The following CBLB variants were observed in gnomAD, a reference collection of about 807,000 sequenced individuals.
CBLB encodes E3 ubiquitin-protein ligase CBL-B.
A neutral mutation model predicts 104.9 loss-of-function variants in CBLB; 31 were observed. The ratio of observed to expected loss-of-function variants is 0.30; its 90% CI spans 0.22 to 0.40. CBLB has a LOEUF of 0.40. Among genes scored for constraint, CBLB ranks in the 10% least tolerant of loss-of-function variants. The pLI is 1.00. For missense variants in CBLB, 1,062 were observed against 1,214.6 expected (o/e 0.87, Z 1.87); for synonymous variants, 440 against 422.6 (o/e 1.04, Z -0.51).
chr3:105,661,560 A>T (rs1263825625), intron 18 of CBLB, among the ~76,000 whole-genome samples: 1 of 152,240 alleles, frequency 6.6e-6, no homozygotes, highest in Non-Finnish European at 1.5e-5. Context: ...TTCTACGGGT[A>T]ATTTTCTAAG....
At chr3:105,800,700 G>A (rs1176156476) in intron 3 of CBLB, among the ~76,000 whole-genome samples, 1 of 152,028 alleles carries the variant, frequency 6.6e-6, no homozygotes, top group East Asian at 1.9e-4. Context: ...CACTTCCTGT[G>A]AGCTAAGCAA....
chr3:105,756,012 A>C (rs1402655183), intron 4 of CBLB, among the ~76,000 whole-genome samples: 1 of 152,230 alleles, frequency 6.6e-6, no homozygotes, highest in Non-Finnish European at 1.5e-5. Flanking sequence ...TGGAGATGCC[A>C]CAAATTTAAT....
At chr3:105,771,597 A>T (rs1210917415) in intron 4 of CBLB, among the ~76,000 whole-genome samples, 1 of 152,156 alleles carries the variant, frequency 6.6e-6, no homozygotes, top group East Asian at 1.9e-4. Context: ...TCGAACTGTC[A>T]TCATTCACTG....
intron 1 of CBLB, 99 bp downstream of exon 1, chr3:105,868,637 G>C (rs1311647599): frequency 1.2e-6 from 1 of 800,876 alleles, no homozygotes. Flanking sequence ...CTGAGAGCCA[G>C]GGCTGTCCCC....
intron 2 of CBLB, among the ~76,000 whole-genome samples, chr3:105,855,058 T>C (rs2091430876): frequency 6.6e-6 from 1 of 152,204 alleles, no homozygotes. Context: ...TTGGGTTTAA[T>C]GGAAGGTATA....
chr3:105,839,788 T>A lies in CBLB; in HGVS notation c.419+13626A>T, dbSNP rs1247797887. On this transcript the variant is annotated intron_variant, in intron 3 of 18. Transcript: ENST00000394030. ...TGTAGTTTGCCAAGTGTTGATATAA[T>A]GGGGAAAAAAGTATTGTGATAAATT... 2.6e-5 allele frequency among the ~76,000 whole-genome samples: 4 copies of A among 152,330 alleles called. No individual in the cohort carries two copies. In the East Asian group the frequency reaches 7.7e-4, roughly 29 times the overall value.
At chr3:105,760,035 A>C (rs988971955) in intron 4 of CBLB, among the ~76,000 whole-genome samples, 10 of 152,182 alleles carry the variant, frequency 6.6e-5, no homozygotes, top group Non-Finnish European at 1.5e-4. Flanking sequence ...ATCTATAATC[A>C]TATTTTTATA....
chr3:105,818,169 G>C (rs1313888713), intron 3 of CBLB, among the ~76,000 whole-genome samples: 1 of 152,038 alleles, frequency 6.6e-6, no homozygotes, highest in East Asian at 1.9e-4. Flanking sequence ...TTATTCCAAA[G>C]AATGGACACA....
At chr3:105,737,638 A>C (rs2075097303) in intron 7 of CBLB, among the ~76,000 whole-genome samples, 1 of 152,176 alleles carries the variant, frequency 6.6e-6, no homozygotes, top group Non-Finnish European at 1.5e-5. Context: ...ACAGGTAATA[A>C]TGGTATCATT....
At chr3:105,736,965 T>C (rs1229080589) in intron 8 of CBLB, among the ~76,000 whole-genome samples, 2 of 152,106 alleles carry the variant, frequency 1.3e-5, no homozygotes, top group South Asian at 2.1e-4. Context: ...CAATACTATA[T>C]GGAAAGCAAG....
In CBLB at chr3:105,671,180, A is replaced by C. The variant is rs1464224929; in HGVS notation, c.2570-828T>G. 2.5e-5 allele frequency: 5 copies of C among 196,756 alleles called. No homozygotes were observed. In the East Asian group the frequency reaches 3.2e-4, roughly 12 times the overall value. The allele number at this position is 196,756 out of a possible 1,614,324, so 12.2% of individuals were successfully genotyped here. On this transcript the variant is annotated intron_variant, in intron 17 of 18. Coordinates refer to ENST00000394030, the MANE Select transcript of CBLB (RefSeq NM_170662.5). ...AACATTCATAGTATTATATGGGTTT[A>C]AATTCTTAGAGAATTGATTCCCTTT...
intron 10 of CBLB, among the ~76,000 whole-genome samples, chr3:105,713,963 C>A (rs185875450): frequency 3.3e-5 from 5 of 152,090 alleles, no homozygotes; most frequent in Non-Finnish European, 1.5e-5. Flanking sequence ...CAAAAGTGTC[C>A]CCATATATTA....
chr3:105,843,285 T>A (rs938466792), intron 3 of CBLB, among the ~76,000 whole-genome samples: 4 of 152,242 alleles, frequency 2.6e-5, no homozygotes, highest in African/African-American at 9.6e-5. Context: ...GAAATCATGT[T>A]TAATACTCCA....
intron 3 of CBLB, among the ~76,000 whole-genome samples, chr3:105,798,704 T>C (rs899699719): frequency 5.3e-5 from 8 of 152,210 alleles, no homozygotes; most frequent in Admixed American, 4.6e-4. Flanking sequence ...GGAAGTAAAC[T>C]TCCTCTTTTA....
chr3:105,768,111 C>T (rs1327282266), intron 4 of CBLB, among the ~76,000 whole-genome samples: 1 of 152,114 alleles, frequency 6.6e-6, no homozygotes, highest in Non-Finnish European at 1.5e-5. Context: ...AATAAATAAG[C>T]TTGATTTCAT....
At chr3:105,853,738 T>G in intron 2 of CBLB, 74 bp from the exon 3 acceptor site, 1 of 1,027,122 alleles carries the variant, frequency 9.7e-7, no homozygotes, top group Non-Finnish European at 1.4e-6. Context: ...TAGAGAACCA[T>G]GTCCTATTTC....
chr3:105,808,023 GGAACCTAAGTTCACA>G (rs1215312650), intron 3 of CBLB, among the ~76,000 whole-genome samples: 1 of 152,088 alleles, frequency 6.6e-6, no homozygotes, highest in African/African-American at 2.4e-5. Context: ...CCACCAATAA[GGAACCTAAGTTCACA>G]GAACTTTTCC....
chr3:105,659,450 G>C (rs1479780306), intron 18 of CBLB, among the ~76,000 whole-genome samples: 2 of 152,082 alleles, frequency 1.3e-5, no homozygotes, highest in Non-Finnish European at 2.9e-5. Context: ...GTTCCACTGA[G>C]AAATTTACAC....
At chr3:105,698,626 A>AAAAC (rs58055701) in intron 12 of CBLB, among the ~76,000 whole-genome samples, 2 of 141,840 alleles carry the variant, frequency 1.4e-5, no homozygotes, top group East Asian at 2.0e-4. Flanking sequence ...AAAAAAAAAA[A>AAAAC]GCGCATTTGC....
Sources: gnomAD v4.1 joint callset for allele counts (sites outside exome capture counted in the v4.1 genomes callset) on GRCh38, gnomAD v4.1.1 for gene constraint, MANE v1.5 for transcripts, NCBI Gene and HGNC (gene_info 2026-07-23, HGNC 2026-07-21) for gene names.